SLC9A9: variants seen among roughly 807,000 people sequenced by gnomAD.
SLC9A9 encodes solute carrier family 9 member A9.
A neutral mutation model predicts 77.8 loss-of-function variants in SLC9A9; 62 were observed. That is an observed-to-expected ratio of 0.80 (90% confidence interval 0.65 to 0.98). The LOEUF is 0.98. SLC9A9 is among the 50% of genes least tolerant of loss of function. The probability of loss-of-function intolerance (pLI) is 0.00; values close to 1 mark genes in which losing one functional copy is unlikely to be tolerated. For missense variants in SLC9A9, 775 were observed against 774.9 expected, an observed-to-expected ratio of 1.00 and a Z score of 0.00; for synonymous variants, 320 against 283.5, an observed-to-expected ratio of 1.13 and a Z score of -1.29.
At chr3:143,547,925 A>G (rs1441290398) in intron 9 of SLC9A9, among the ~76,000 whole-genome samples, 1 of 152,182 alleles carries the variant, frequency 6.6e-6, no homozygotes, top group East Asian at 1.9e-4. Context: ...TCACTGTTGT[A>G]TCCCCGGTAC....
intron 14 of SLC9A9, among the ~76,000 whole-genome samples, chr3:143,350,184 C>T (rs1016794149): frequency 3.3e-5 from 5 of 152,296 alleles, no homozygotes; most frequent in African/African-American, 1.2e-4. Context: ...TGGCACCTGC[C>T]TGGCCCTTTC....
intron 14 of SLC9A9, among the ~76,000 whole-genome samples, chr3:143,303,374 T>C (rs1176710486): frequency 9.6e-6 from 1 of 103,696 alleles, no homozygotes; most frequent in African/African-American, 3.0e-5. Flanking sequence ...TTTTCTTTTC[T>C]TTTTTTTTTT....
At chr3:143,625,152 G>A (rs919060077) in intron 6 of SLC9A9, among the ~76,000 whole-genome samples, 1 of 152,180 alleles carries the variant, frequency 6.6e-6, no homozygotes, top group Non-Finnish European at 1.5e-5. Flanking sequence ...ATGCTCATGT[G>A]TAGGAAGAAT....
intron 14 of SLC9A9, among the ~76,000 whole-genome samples, chr3:143,288,252 CCA>C (rs542231813): frequency 2.8e-3 from 426 of 151,670 alleles, no homozygotes; most frequent in Non-Finnish European, 5.3e-3. Context: ...AGCCTGGGCT[CCA>C]GTTATTAAAA....
intron 14 of SLC9A9, among the ~76,000 whole-genome samples, chr3:143,341,789 G>A (rs769432391): frequency 9.2e-5 from 14 of 152,212 alleles, no homozygotes; most frequent in Middle Eastern, 3.4e-3. Context: ...TGATAAGACC[G>A]TTAATTTATC....
At chr3:143,318,353 T>C (rs1027743775) in intron 14 of SLC9A9, among the ~76,000 whole-genome samples, 4 of 152,220 alleles carry the variant, frequency 2.6e-5, no homozygotes, top group African/African-American at 9.6e-5. Context: ...GATAAGCAAG[T>C]ATTTTTGTGT....
chr3:143,364,511 T>C (rs1172204277), intron 13 of SLC9A9, among the ~76,000 whole-genome samples: 1 of 152,174 alleles, frequency 6.6e-6, no homozygotes, highest in Non-Finnish European at 1.5e-5. Flanking sequence ...CGGAAGACAA[T>C]GAAAGTCTAC....
intron 12 of SLC9A9, among the ~76,000 whole-genome samples, chr3:143,432,220 T>C (rs780967866): frequency 3.9e-5 from 6 of 152,194 alleles, no homozygotes; most frequent in Non-Finnish European, 8.8e-5. Flanking sequence ...CACATGTATT[T>C]GTTAAGTGTG....
At chr3:143,438,863 G>C (rs917820318) in intron 12 of SLC9A9, among the ~76,000 whole-genome samples, 1 of 152,204 alleles carries the variant, frequency 6.6e-6, no homozygotes, top group Admixed American at 6.5e-5. Flanking sequence ...AGGAATGTCA[G>C]TGCCCAAGAG....
At chr3:143,400,258 G>T (rs1425621836) in intron 12 of SLC9A9, among the ~76,000 whole-genome samples, 1 of 152,004 alleles carries the variant, frequency 6.6e-6, no homozygotes, top group Non-Finnish European at 1.5e-5. Context: ...TGCTGTCATT[G>T]GGGAAAAATT....
intron 12 of SLC9A9, among the ~76,000 whole-genome samples, chr3:143,455,051 C>A (rs1257358675): frequency 6.6e-6 from 1 of 152,162 alleles, no homozygotes; most frequent in African/African-American, 2.4e-5. Context: ...ATCATATTTG[C>A]AGTTCCAAGG....
intron 1 of SLC9A9, among the ~76,000 whole-genome samples, chr3:143,845,841 T>G (rs2009820142): frequency 6.6e-6 from 1 of 152,236 alleles, no homozygotes; most frequent in Non-Finnish European, 1.5e-5. Flanking sequence ...TCCATAATTT[T>G]TATAATCCTT....
chr3:143,718,032 G>A (rs1336358629), intron 4 of SLC9A9, among the ~76,000 whole-genome samples: 1 of 151,976 alleles, frequency 6.6e-6, no homozygotes, highest in East Asian at 1.9e-4. Context: ...GAATCCAGAT[G>A]GTTATAGAAA....
At chr3:143,792,020 T>A (rs2008240017) in intron 4 of SLC9A9, among the ~76,000 whole-genome samples, 1 of 152,246 alleles carries the variant, frequency 6.6e-6, no homozygotes, top group Admixed American at 6.5e-5. Context: ...CCAAACAATT[T>A]AGTTACTAAT....
intron 14 of SLC9A9, among the ~76,000 whole-genome samples, chr3:143,296,475 C>A (rs1220364862): frequency 1.3e-5 from 2 of 152,164 alleles, no homozygotes; most frequent in African/African-American, 2.4e-5. Context: ...CTGATGGACA[C>A]AGCTCAATTT....
At chr3:143,275,933 C>T (rs1298826227) in intron 14 of SLC9A9, among the ~76,000 whole-genome samples, 2 of 152,186 alleles carry the variant, frequency 1.3e-5, no homozygotes, top group Non-Finnish European at 2.9e-5. Flanking sequence ...ACTTTCTAAG[C>T]TTCAGAGTTC....
chr3:143,266,899 T>C lies in SLC9A9; in HGVS notation c.1741A>G (p.Ile581Val). The stretch of plus-strand genomic sequence containing the variant: ...ATGGCTAGTTCATCCTGGTTTACAA[T>C]GCATTCCACATCATCCTCTTTTAGC... ...EQLKEDDVEC[I>V]VNQDELAINY... Residue 581 changes from isoleucine to valine, a missense_variant, in exon 16 of 16, where the codon ATT becomes GTT. Ile to Val is a conservative substitution (Grantham distance 29). Transcript: ENST00000316549. 3 of 1,614,096 alleles carry C rather than the reference T, an allele frequency of 1.9e-6. No homozygotes were observed. The highest frequency in any genetic ancestry group is 1.1e-5 in the South Asian group (1 of 91,082).
At chr3:143,507,949 G>A (rs2036049949) in intron 9 of SLC9A9, among the ~76,000 whole-genome samples, 1 of 152,048 alleles carries the variant, frequency 6.6e-6, no homozygotes, top group South Asian at 2.1e-4. Flanking sequence ...TCCCACTAGT[G>A]AGGGCTCCAC....
At chr3:143,424,460 G>T (rs1272749886) in intron 12 of SLC9A9, among the ~76,000 whole-genome samples, 5 of 151,832 alleles carry the variant, frequency 3.3e-5, no homozygotes, top group African/African-American at 1.2e-4. Context: ...TGTATTTTTA[G>T]TAGAGACGGG....
Sources: allele counts gnomAD v4.1 joint callset (sites outside exome capture counted in the v4.1 genomes callset), GRCh38; gene constraint gnomAD v4.1.1; transcripts MANE v1.5; gene names NCBI Gene and HGNC (gene_info 2026-07-23, HGNC 2026-07-21).